SLC35B4: variants seen among roughly 807,000 people sequenced by gnomAD.
SLC35B4 encodes the protein nucleotide sugar transporter SLC35B4.
In SLC35B4, 28 loss-of-function variants were observed where a neutral mutation model predicts 39.5. The ratio of observed to expected loss-of-function variants is 0.71; its 90% CI spans 0.53 to 0.97. The LOEUF (loss-of-function observed/expected upper bound fraction) is 0.97, where lower values mean the gene tolerates loss of function less well. SLC35B4 is among the 50% of genes least tolerant of loss of function. The pLI, the probability that SLC35B4 is intolerant of heterozygous loss-of-function variation, is 0.00. For missense variants in SLC35B4, 334 were observed against 414.3 expected, an observed-to-expected ratio of 0.81 and a Z score of 1.68; for synonymous variants, 145 against 150.4, an observed-to-expected ratio of 0.96 and a Z score of 0.26.
chr7:134,302,708 A>G (rs559685631), intron 4 of SLC35B4, among the ~76,000 whole-genome samples: 2 of 152,332 alleles, frequency 1.3e-5, no homozygotes, highest in South Asian at 2.1e-4. Flanking sequence ...AGCATTTCAC[A>G]TTAGCTAGTA....
chr7:134,320,041 G>T (rs1804068223), upstream of SLC35B4, among the ~76,000 whole-genome samples: 1 of 152,124 alleles, frequency 6.6e-6, no homozygotes, highest in South Asian at 2.1e-4. Flanking sequence ...ATGTCCCATT[G>T]CTATTCTAAG....
chr7:134,295,149 A>G, intron 9 of SLC35B4, 70 bp from the exon 10 acceptor site: 2 of 1,564,812 alleles, frequency 1.3e-6, no homozygotes, highest in Non-Finnish European at 1.7e-6. Context: ...ACCTTCTGGC[A>G]TGGTCCCTGG....
At chr7:134,295,449 G>A (rs1360801283) in intron 9 of SLC35B4, among the ~76,000 whole-genome samples, 1 of 152,026 alleles carries the variant, frequency 6.6e-6, no homozygotes, top group African/African-American at 2.4e-5. Flanking sequence ...AAGGGACTCT[G>A]GCAAATCTAG....
At chr7:134,299,453 A>T in intron 8 of SLC35B4, 70 bp downstream of exon 8, 1 of 1,262,338 alleles carries the variant, frequency 7.9e-7, no homozygotes. Context: ...GCCGAGGTCA[A>T]GTCAAGAGTA....
upstream of SLC35B4, chr7:134,317,123 T>G (rs1646724): frequency 0.48 from 105,133 of 218,602 alleles, 26,073 homozygotes; most frequent in African/African-American, 0.56. Flanking sequence ...CGGCCGCGGG[T>G]CTTGCTGGGA....
Position 134,295,038 on chromosome 7 carries a change from C to T in SLC35B4, c.791G>A (p.Cys264Tyr), listed in dbSNP as rs1232969720. The stretch of plus-strand genomic sequence containing the variant: ...GACGAGCGTGACGGTGAGGGAGGCG[C>T]ATTCTGTGGTGAGGATAAACACACC... ...IRGVFILTTE[C>Y]ASLTVTLVVT... The change falls in exon 10 of 10, where the codon TGC becomes TAC. Residue 264 changes from cysteine (C) to tyrosine (Y), a missense_variant. Transcript: ENST00000378509. The T allele has an allele frequency of 7.4e-6, 12 of 1,614,070 alleles. No individual in the cohort carries two copies. Among genetic ancestry groups the T allele is most frequent in the Non-Finnish European group, 1.0e-5 (12 of 1,180,060 alleles).
Position 134,295,071 on chromosome 7 carries a change from C to T in SLC35B4, c.758G>A (p.Cys253Tyr), listed in dbSNP as rs762326247. 4 of 1,613,960 alleles carry T rather than the reference C, an allele frequency of 2.5e-6. No individual in the cohort carries two copies. In the Admixed American group the frequency reaches 6.7e-5, roughly 27 times the overall value. Residue 253 changes from cysteine (C) to tyrosine (Y), a missense_variant, in exon 10 of 10, where the codon TGC becomes TAC. Transcript: ENST00000378509. Reference protein sequence around the residue: ...LLMNIITQYVCIRGVFILTTE... With the variant: ...LLMNIITQYVYIRGVFILTTE... ...GGTGAGGATAAACACACCCCGGATGCACACGTACCTGGAGGAGTGGAGTCA... is the reference window on the plus strand; with the variant it reads ...GGTGAGGATAAACACACCCCGGATGTACACGTACCTGGAGGAGTGGAGTCA...
Position 134,296,401 on chromosome 7 carries a change from T to A in SLC35B4, c.739A>T (p.Ile247Phe), listed in dbSNP as rs1334103951. 6.2e-7 allele frequency: 1 copy of A among 1,613,812 alleles called. No individual in the cohort carries two copies. Among genetic ancestry groups the A allele is most frequent in the Admixed American group, 1.7e-5 (1 of 60,006 alleles). The change falls in exon 9 of 10, where the codon ATC becomes TTC. Residue 247 changes from isoleucine to phenylalanine, a missense_variant. Physicochemically the swap from Ile to Phe is conservative, Grantham distance 21. Coordinates refer to ENST00000378509, the MANE Select transcript of SLC35B4 (RefSeq NM_032826.5). Reference sequence around the variant, plus strand: ...CAGTCCAAAGGATACTGAGTGATGATGTTCATGAGGAGGTAGAACCACATG... The same window carrying A: ...CAGTCCAAAGGATACTGAGTGATGAAGTTCATGAGGAGGTAGAACCACATG... ...PIMWFYLLMN[I>F]ITQYVCIRGV...
rs774704975 is a variant in SLC35B4 at position 134,300,184 on chromosome 7, C to T, written c.565G>A (p.Gly189Arg). Residue 189 changes from glycine (G) to arginine (R), a missense_variant, in exon 7 of 10, where the codon GGG (glycine) becomes AGG (arginine). Gly to Arg is a moderately radical substitution (Grantham distance 125). Transcript: ENST00000378509. The stretch of plus-strand genomic sequence containing the variant: ...AACAAAGCCTCCTTGGAGTGTTTCC[C>T]AAATCGTTTGTAGAGAGTCTCTTGG... ...IFQETLYKRF[G>R]KHSKEALFYN... 3 of 1,612,450 alleles carry T rather than the reference C, an allele frequency of 1.9e-6. No homozygotes were observed. The highest frequency in any genetic ancestry group is 1.3e-5 in the African/African-American group (1 of 74,978).
At chr7:134,302,575 AT>A (rs1351220743) in intron 4 of SLC35B4, among the ~76,000 whole-genome samples, 3 of 152,112 alleles carry the variant, frequency 2.0e-5, no homozygotes, top group Non-Finnish European at 2.9e-5. Flanking sequence ...CCAATCATCC[AT>A]TCTCTGGGGG....
At chr7:134,318,370 C>A (rs1324946671), upstream of SLC35B4, among the ~76,000 whole-genome samples, 1 of 149,514 alleles carries the variant, frequency 6.7e-6, no homozygotes, top group Non-Finnish European at 1.5e-5. Flanking sequence ...TTAATGAGCA[C>A]CCGTCTTGAG....
At chr7:134,302,995 C>G (rs991529250) in intron 4 of SLC35B4, among the ~76,000 whole-genome samples, 1 of 152,068 alleles carries the variant, frequency 6.6e-6, no homozygotes, top group Admixed American at 6.5e-5. Context: ...AAAGATCACG[C>G]TGAAGAGGTT....
upstream of SLC35B4, among the ~76,000 whole-genome samples, chr7:134,317,211 C>T (rs570709867): frequency 1.3e-5 from 2 of 152,222 alleles, no homozygotes; most frequent in Non-Finnish European, 2.9e-5. Flanking sequence ...AGGGTCACAA[C>T]AAACTTGCTG....
chr7:134,289,761 A>G lies in SLC35B4; in HGVS notation c.*5072T>C, dbSNP rs1803294091. 6.6e-6 allele frequency: 1 copy of G among 152,226 alleles called. No individual in the cohort carries two copies. The highest frequency in any genetic ancestry group is 2.1e-4 in the South Asian group (1 of 4,828). 9.4% of individuals were successfully genotyped at this position (152,226 alleles called of 1,614,324 possible). ...CCACTACTGCTCTCTTTGGTTCACA[A>G]GAGTCATCTATGCATTTCAAAAGAT... On this transcript the variant is annotated 3_prime_UTR_variant, in exon 10 of 10. Transcript: ENST00000378509.
intron 8 of SLC35B4, among the ~76,000 whole-genome samples, chr7:134,297,646 C>G (rs1374361874): frequency 6.6e-6 from 1 of 152,168 alleles, no homozygotes; most frequent in Non-Finnish European, 1.5e-5. Flanking sequence ...ATGTAAGAAT[C>G]TCTGTAAACA....
chr7:134,310,298 A>G (rs1340097779), intron 1 of SLC35B4, among the ~76,000 whole-genome samples: 5 of 152,184 alleles, frequency 3.3e-5, no homozygotes, highest in African/African-American at 1.2e-4. Context: ...GTTGGGGAAG[A>G]TTCCCCACAT....
At chr7:134,315,645 AAAAAAAAC>A (rs963092914) in intron 1 of SLC35B4, among the ~76,000 whole-genome samples, 1 of 151,230 alleles carries the variant, frequency 6.6e-6, no homozygotes, top group African/African-American at 2.4e-5. Flanking sequence ...CCAAATCCAA[AAAAAAAAC>A]AAAAAACAAA....
chr7:134,314,986 C>A (rs891170348), intron 1 of SLC35B4, among the ~76,000 whole-genome samples: 1 of 151,970 alleles, frequency 6.6e-6, no homozygotes, highest in African/African-American at 2.4e-5. Flanking sequence ...ACTTTCTGTA[C>A]AATAAAATGT....
In SLC35B4 at chr7:134,299,342, T is replaced by C. The variant is rs545387971; in HGVS notation, c.673+181A>G. On this transcript the variant is annotated intron_variant, in intron 8 of 9. Transcript: ENST00000378509. ...ATTCTTTTACTTCATTTGTAAATAA[T>C]TGAGAAACCCCTGTAAAAGCTTTTG... is the stretch of plus-strand genomic sequence containing the variant. The C allele has an allele frequency of 5.1e-5, 26 of 510,538 alleles. No homozygotes were observed. The East Asian group carries it at 5.3e-4, about 10-fold the overall frequency. 31.6% of individuals were successfully genotyped at this position (510,538 alleles called of 1,614,324 possible).
Sources: allele counts gnomAD v4.1 joint callset (sites outside exome capture counted in the v4.1 genomes callset), GRCh38; gene constraint gnomAD v4.1.1; transcripts MANE v1.5; gene names NCBI Gene and HGNC (gene_info 2026-07-23, HGNC 2026-07-21).